The following SLC5A8 variants were observed in gnomAD, a reference collection of about 807,000 sequenced individuals.
SLC5A8 encodes the protein solute carrier family 5 member 8, also known as sodium-coupled monocarboxylate transporter 1.
A neutral mutation model predicts 71.9 loss-of-function variants in SLC5A8; 55 were observed. That is an observed-to-expected ratio of 0.77 (90% CI 0.62 to 0.96). The LOEUF (loss-of-function observed/expected upper bound fraction) is 0.96, where lower values mean the gene tolerates loss of function less well. Among genes scored for constraint, SLC5A8 ranks in the 40% least tolerant of loss-of-function variants. SLC5A8 has a pLI of 0.00. For missense variants in SLC5A8, 701 were observed against 745.3 expected (o/e 0.94, Z 0.69); for synonymous variants, 307 against 276.1 (o/e 1.11, Z -1.11).
chr12:101,188,325 T>C (rs1408293753), intron 6 of SLC5A8, among the ~76,000 whole-genome samples: 1 of 152,194 alleles, frequency 6.6e-6, no homozygotes, highest in African/African-American at 2.4e-5. Context: ...TCCTATGTCT[T>C]AATAATCAGT....
chr12:101,206,725 GT>G (rs1020620999), intron 1 of SLC5A8, among the ~76,000 whole-genome samples: 5 of 152,324 alleles, frequency 3.3e-5, no homozygotes, highest in East Asian at 1.9e-4. Context: ...AATTGCTTCT[GT>G]TGATATGAAT....
At position 101,206,445 on chromosome 12, in the gene SLC5A8, T is replaced by C. The variant is rs74743832; in HGVS notation, c.352-1880A>G. Reference sequence around the variant, plus strand: ...CCAAATTGCTGGAGACCCAAATAAATTGAACCAAACTGAAGCAAGTAAGTT... The same window carrying C: ...CCAAATTGCTGGAGACCCAAATAAACTGAACCAAACTGAAGCAAGTAAGTT... On this transcript the variant is annotated intron_variant, in intron 1 of 14. Coordinates refer to ENST00000536262, the MANE Select transcript of SLC5A8 (RefSeq NM_145913.5). 3.5e-3 allele frequency among the ~76,000 whole-genome samples: 529 copies of C among 152,342 alleles called. 5 individuals are homozygous for C. The highest frequency in any genetic ancestry group is 0.012 in the African/African-American group (509 of 41,592).
chr12:101,185,867 C>CA (rs1416489000), intron 7 of SLC5A8, among the ~76,000 whole-genome samples: 7 of 152,140 alleles, frequency 4.6e-5, no homozygotes, highest in Non-Finnish European at 4.4e-5. Flanking sequence ...CGTGAGCCAC[C>CA]ACGACTGAGC....
intron 11 of SLC5A8, 83 bp downstream of exon 11, chr12:101,168,013 A>T (rs1276151917): frequency 7.7e-7 from 1 of 1,306,910 alleles, no homozygotes; most frequent in African/African-American, 1.5e-5. Flanking sequence ...ACAAATCTCA[A>T]AGGAACCAAC....
chr12:101,188,480 G>T (rs183378574), intron 6 of SLC5A8, among the ~76,000 whole-genome samples: 11 of 152,240 alleles, frequency 7.2e-5, no homozygotes, highest in Non-Finnish European at 1.2e-4. Flanking sequence ...CAGGAAGTCT[G>T]CATCCAATGA....
chr12:101,160,904 TA>T (rs925629157), intron 13 of SLC5A8, among the ~76,000 whole-genome samples: 30 of 151,884 alleles, frequency 2.0e-4, no homozygotes, highest in Non-Finnish European at 1.3e-4. Context: ...AGAAAATTAT[TA>T]AAAATAGAAA....
At chr12:101,163,304 C>A (rs2051739951) in intron 12 of SLC5A8, among the ~76,000 whole-genome samples, 1 of 152,304 alleles carries the variant, frequency 6.6e-6, no homozygotes, top group Non-Finnish European at 1.5e-5. Flanking sequence ...TGATTTAGAA[C>A]AATCATTCTG....
intron 10 of SLC5A8, among the ~76,000 whole-genome samples, chr12:101,171,412 CT>C (rs1465077566): frequency 6.6e-6 from 1 of 152,176 alleles, no homozygotes; most frequent in Non-Finnish European, 1.5e-5. Flanking sequence ...CACTCCACCC[CT>C]GACCCTGAGG....
intron 10 of SLC5A8, among the ~76,000 whole-genome samples, chr12:101,168,961 A>C (rs150235210): frequency 6.6e-6 from 1 of 152,206 alleles, no homozygotes; most frequent in African/African-American, 2.4e-5. Context: ...AGAAAATACC[A>C]AGTCAGGGAA....
chr12:101,181,952 T>C (rs1029113718), intron 9 of SLC5A8, among the ~76,000 whole-genome samples: 2 of 152,188 alleles, frequency 1.3e-5, no homozygotes, highest in African/African-American at 4.8e-5. Context: ...TGACAGTCTA[T>C]TGATGTTATT....
At chr12:101,158,588 C>CTA (rs2051692954) in intron 13 of SLC5A8, among the ~76,000 whole-genome samples, 10 of 38,048 alleles carry the variant, frequency 2.6e-4, no homozygotes, top group African/African-American at 9.6e-4. Flanking sequence ...CTCTCTCTCT[C>CTA]TCTCTCTCTC....
chr12:101,202,809 A>G (rs1488243591), intron 2 of SLC5A8, among the ~76,000 whole-genome samples: 4 of 152,204 alleles, frequency 2.6e-5, no homozygotes, highest in African/African-American at 4.8e-5. Flanking sequence ...TACAGTAGTG[A>G]GTAAGATAAA....
chr12:101,204,260 T>C (rs1418163874), intron 2 of SLC5A8, among the ~76,000 whole-genome samples: 1 of 152,226 alleles, frequency 6.6e-6, no homozygotes. Flanking sequence ...GACTGTTGCT[T>C]TATCAGTATA....
chr12:101,164,905 A>C (rs576783193), intron 12 of SLC5A8, among the ~76,000 whole-genome samples: 17 of 152,340 alleles, frequency 1.1e-4, no homozygotes, highest in African/African-American at 4.1e-4. Flanking sequence ...TTCTTGAAGT[A>C]GTAGTATATC....
intron 10 of SLC5A8, among the ~76,000 whole-genome samples, chr12:101,176,134 T>C (rs1444603194): frequency 6.6e-6 from 1 of 151,938 alleles, no homozygotes; most frequent in Admixed American, 6.6e-5. Flanking sequence ...ACATAGGTGG[T>C]TCAAAGTGAA....
chr12:101,158,592 CTCTCTCTATATATA>C (rs373273363), intron 13 of SLC5A8, among the ~76,000 whole-genome samples: 123 of 25,858 alleles, frequency 4.8e-3, no homozygotes, highest in African/African-American at 0.017. Context: ...CTCTCTCTCT[CTCTCTCTATATATA>C]TATATATATA....
At chr12:101,192,828 A>G (rs891710184) in intron 5 of SLC5A8, among the ~76,000 whole-genome samples, 1 of 152,162 alleles carries the variant, frequency 6.6e-6, no homozygotes, top group Non-Finnish European at 1.5e-5. Context: ...ATATCAAAAG[A>G]GAAACTCTCA....
rs538665997 is a variant in SLC5A8 at position 101,187,760 on chromosome 12, G to A, written c.834-245C>T. ...TTTCCCCATGAAAGAGTGTATGCTC[G>A]TGGTCGGAGCTCCAGGGGCATTGTT... On this transcript the variant is annotated intron_variant, in intron 6 of 14. Coordinates refer to ENST00000536262, the MANE Select transcript of SLC5A8 (RefSeq NM_145913.5). Among the ~76,000 whole-genome samples the A allele has an allele frequency of 5.9e-5, 9 of 152,092 alleles. No homozygotes were observed. The South Asian group carries it at 1.0e-3, about 18-fold the overall frequency.
chr12:101,184,086 A>C, intron 8 of SLC5A8, 48 bp downstream of exon 8: 1 of 1,565,784 alleles, frequency 6.4e-7, no homozygotes, highest in Non-Finnish European at 8.8e-7. Flanking sequence ...ATAATAAAAG[A>C]AAGATCCCAA....
Sources: allele counts gnomAD v4.1 joint callset (sites outside exome capture counted in the v4.1 genomes callset), GRCh38; gene constraint gnomAD v4.1.1; transcripts MANE v1.5; gene names NCBI Gene and HGNC (gene_info 2026-07-23, HGNC 2026-07-21).